Variants in TRPM3 observed in about 807,000 individuals in gnomAD.
TRPM3 encodes the protein long transient receptor potential channel 3.
In TRPM3, 77 loss-of-function variants were observed where a neutral mutation model predicts 181.2. The ratio of observed to expected loss-of-function variants is 0.42; its 90% CI spans 0.35 to 0.51. The LOEUF (loss-of-function observed/expected upper bound fraction) is 0.51, where lower values mean the gene tolerates loss of function less well. TRPM3 is among the 20% of genes least tolerant of loss of function. TRPM3 has a pLI of 0.01. For synonymous variants in TRPM3, 745 were observed against 796.4 expected, an observed-to-expected ratio of 0.94 and a Z score of 1.09; for missense variants, 1,759 against 2,196.7, an observed-to-expected ratio of 0.80 and a Z score of 3.98.
At chr9:71,205,311 T>C (rs543083957) in intron 1 of TRPM3, among the ~76,000 whole-genome samples, 1 of 152,164 alleles carries the variant, frequency 6.6e-6, no homozygotes, top group Non-Finnish European at 1.5e-5. Context: ...CGATTATTTC[T>C]ATGAAATAAG....
At chr9:70,681,060 A>T (rs917406267) in intron 9 of TRPM3, among the ~76,000 whole-genome samples, 1 of 152,092 alleles carries the variant, frequency 6.6e-6, no homozygotes, top group East Asian at 1.9e-4. Flanking sequence ...CTTCTTCTCA[A>T]TGGTTTTTGA....
rs2097685693 is a variant in TRPM3, at chr9:71,007,059, AAAAAG to A, written c.177+114114_177+114118del. Among the ~76,000 whole-genome samples, 2 of 138,696 alleles carry A rather than the reference AAAAAG, an allele frequency of 1.4e-5. 1 individual carries two copies. The highest frequency in any genetic ancestry group is 3.1e-5 in the Non-Finnish European group (2 of 65,056). 91.0% of individuals were successfully genotyped at this position (138,696 alleles called of 152,430 possible). A position where few individuals can be genotyped will look rare whatever the true frequency, so the allele number is the denominator to read the frequency against. ...CATCTCAAAAAAAAAAAAAAAAAAA[AAAAAG>A]AAAGAAAAAAAAGACTAAGTCAGGA... On this transcript the variant is annotated intron_variant, in intron 1 of 25. Coordinates refer to ENST00000677713, the MANE Select transcript of TRPM3 (RefSeq NM_001366145.2).
intron 1 of TRPM3, among the ~76,000 whole-genome samples, chr9:71,096,836 T>C (rs2067368579): frequency 6.6e-6 from 1 of 152,058 alleles, no homozygotes; most frequent in Admixed American, 6.6e-5. Flanking sequence ...GAACAGACTA[T>C]TTGGCACTAT....
At chr9:71,422,514 C>T (rs941413194) in intron 1 of TRPM3, among the ~76,000 whole-genome samples, 1 of 151,908 alleles carries the variant, frequency 6.6e-6, no homozygotes, top group African/African-American at 2.4e-5. Context: ...CAAGGAGTCT[C>T]AAGAGACATT....
intron 1 of TRPM3, among the ~76,000 whole-genome samples, chr9:71,433,932 G>T (rs539520258): frequency 2.0e-5 from 3 of 152,308 alleles, no homozygotes; most frequent in Non-Finnish European, 2.9e-5. Context: ...AAGGTGGGCA[G>T]ATCACATGAG....
chr9:71,440,186 T>G (rs1379473322), intron 1 of TRPM3, among the ~76,000 whole-genome samples: 3 of 151,902 alleles, frequency 2.0e-5, no homozygotes, highest in Non-Finnish European at 2.9e-5. Context: ...AATCTTAAAC[T>G]CACTAGGAAA....
intron 1 of TRPM3, among the ~76,000 whole-genome samples, chr9:71,386,341 T>C (rs894469742): frequency 1.3e-5 from 2 of 151,412 alleles, no homozygotes; most frequent in Non-Finnish European, 2.9e-5. Context: ...CCCAGCTACT[T>C]GGGAGGCTGA....
chr9:71,442,681 A>C (rs1023206806), intron 1 of TRPM3, among the ~76,000 whole-genome samples: 1 of 152,228 alleles, frequency 6.6e-6, no homozygotes, highest in Non-Finnish European at 1.5e-5. Flanking sequence ...TTGAAATCTA[A>C]ATTATTTTTC....
At chr9:70,850,780 A>G (rs2095195811) in intron 3 of TRPM3, among the ~76,000 whole-genome samples, 1 of 152,232 alleles carries the variant, frequency 6.6e-6, no homozygotes, top group African/African-American at 2.4e-5. Context: ...GGGACTTGCA[A>G]GGCTTCCAAA....
chr9:71,363,418 C>T (rs2092229256), intron 1 of TRPM3, among the ~76,000 whole-genome samples: 1 of 152,088 alleles, frequency 6.6e-6, no homozygotes, highest in African/African-American at 2.4e-5. Flanking sequence ...CATTAAATAG[C>T]AGGGGTTAAG....
chr9:70,577,325 T>A (rs1192767969), intron 22 of TRPM3, among the ~76,000 whole-genome samples: 2 of 152,254 alleles, frequency 1.3e-5, no homozygotes, highest in Admixed American at 1.3e-4. Context: ...TCTGTTCTAA[T>A]GCAGAAGTTA....
intron 1 of TRPM3, among the ~76,000 whole-genome samples, chr9:71,245,326 C>T (rs2081971515): frequency 6.6e-6 from 1 of 151,890 alleles, no homozygotes; most frequent in Non-Finnish European, 1.5e-5. Context: ...CACCTGTTAT[C>T]CCAGCTACTT....
chr9:70,923,857 CATAT>C (rs60597888), intron 1 of TRPM3, among the ~76,000 whole-genome samples: 45 of 146,532 alleles, frequency 3.1e-4, no homozygotes, highest in Non-Finnish European at 3.1e-4. Flanking sequence ...CACACACACA[CATAT>C]ATATATATAC....
At chr9:70,600,691 A>C (rs1033318353) in intron 20 of TRPM3, among the ~76,000 whole-genome samples, 6 of 152,174 alleles carry the variant, frequency 3.9e-5, no homozygotes, top group Non-Finnish European at 8.8e-5. Flanking sequence ...CCACTGCCCT[A>C]GTCATCAGCA....
intron 1 of TRPM3, among the ~76,000 whole-genome samples, chr9:71,089,785 A>G (rs1391323678): frequency 6.6e-6 from 1 of 152,094 alleles, no homozygotes; most frequent in Non-Finnish European, 1.5e-5. Flanking sequence ...TGTCCTGAGC[A>G]TCCTAGTGTT....
At chr9:71,241,740 A>T (rs1056283010) in intron 1 of TRPM3, among the ~76,000 whole-genome samples, 1 of 152,234 alleles carries the variant, frequency 6.6e-6, no homozygotes, top group African/African-American at 2.4e-5. Flanking sequence ...TCATAAGCTT[A>T]CTAATCTGAC....
intron 1 of TRPM3, among the ~76,000 whole-genome samples, chr9:71,040,970 C>T (rs1235041764): frequency 3.3e-5 from 5 of 152,168 alleles, no homozygotes; most frequent in South Asian, 2.1e-4. Flanking sequence ...GGGGACGTGA[C>T]GACTGGAGGC....
At chr9:71,278,645 A>G (rs1384686357) in intron 1 of TRPM3, among the ~76,000 whole-genome samples, 1 of 152,212 alleles carries the variant, frequency 6.6e-6, no homozygotes, top group African/African-American at 2.4e-5. Context: ...CAAACTATTT[A>G]GGTTGAACCG....
intron 6 of TRPM3, among the ~76,000 whole-genome samples, chr9:70,814,000 T>A (rs1453971799): frequency 6.6e-6 from 1 of 152,236 alleles, no homozygotes; most frequent in African/African-American, 2.4e-5. Context: ...CTACAGTGCC[T>A]TGAGCATTAC....
Sources: allele counts gnomAD v4.1 joint callset (sites outside exome capture counted in the v4.1 genomes callset), GRCh38; gene constraint gnomAD v4.1.1; transcripts MANE v1.5; gene names NCBI Gene and HGNC (gene_info 2026-07-23, HGNC 2026-07-21).